CFAP73: variants seen among roughly 807,000 people sequenced by gnomAD.
The protein encoded by CFAP73 is cilia- and flagella-associated protein 73.
A neutral mutation model predicts 42.9 loss-of-function variants in CFAP73; 33 were observed. That is an observed-to-expected ratio of 0.77 (90% confidence interval 0.58 to 1.03). The LOEUF is 1.03. Among genes scored for constraint, CFAP73 ranks in the 50% least tolerant of loss-of-function variants. The pLI is 0.00. For missense variants in CFAP73, 392 were observed against 411.9 expected, an observed-to-expected ratio of 0.95 and a Z score of 0.42; for synonymous variants, 162 against 186.8, an observed-to-expected ratio of 0.87 and a Z score of 1.08.
rs760878157 is a variant in CFAP73 at position 113,154,400 on chromosome 12, G to A, written c.469-14G>A. 2.5e-5 allele frequency: 38 copies of A among 1,548,210 alleles called. No homozygotes were observed. The South Asian group carries it at 4.5e-4, about 18-fold the overall frequency. On this transcript the variant is annotated splice_polypyrimidine_tract_variant and intron_variant, in intron 4 of 7. Coordinates refer to ENST00000335621, the MANE Select transcript of CFAP73 (RefSeq NM_001144872.3). This position sits in a 1 kb window ranked among gnomAD's most constrained non-coding sequence, Gnocchi z 4.7. Reference sequence around the variant, plus strand: ...GCAGGCCCATGTGAGTCCCTTCCCCGCCCCCGACTCTAGTTCCAAGAGGTT... The same window carrying A: ...GCAGGCCCATGTGAGTCCCTTCCCCACCCCCGACTCTAGTTCCAAGAGGTT...
intron 5 of CFAP73, among the ~76,000 whole-genome samples, 155 bp from the exon 6 acceptor site, chr12:113,155,105 G>A (rs1277390389): frequency 6.6e-6 from 1 of 152,296 alleles, no homozygotes; most frequent in South Asian, 2.1e-4. Flanking sequence ...GGGAGCCGGC[G>A]GTTGCAGTGA....
At position 113,154,571 on chromosome 12, in the gene CFAP73, AG is replaced by A; in HGVS notation, c.629del (p.Gly210AlafsTer52). 1 of 1,450,206 alleles carries A rather than the reference AG, an allele frequency of 6.9e-7. No individual in the cohort carries two copies. Among genetic ancestry groups the A allele is most frequent in the Non-Finnish European group, 9.0e-7 (1 of 1,112,428 alleles). 89.8% of individuals were successfully genotyped at this position (1,450,206 alleles called of 1,614,324 possible). A position where few individuals can be genotyped will look rare whatever the true frequency, so the allele number is the denominator to read the frequency against. ...RDAWPDEVLA[Q>X]GQRRAQLQER... ...GCCTGGCCGGACGAGGTGCTCGCACAGGGCCAGCGGCGGGCACAGCTGCAGG... is the reference window on the plus strand; with the variant it reads ...GCCTGGCCGGACGAGGTGCTCGCACAGGCCAGCGGCGGGCACAGCTGCAGG... On this transcript the variant is annotated frameshift_variant, in exon 5 of 8. Transcript: ENST00000335621. LOFTEE classifies it high-confidence loss of function. This position sits in a 1 kb window ranked among gnomAD's most constrained non-coding sequence, Gnocchi z 4.7.
chr12:113,157,434 C>T lies in CFAP73; in HGVS notation c.850-168C>T, dbSNP rs186798120. On this transcript the variant is annotated intron_variant, in intron 6 of 7. Transcript: ENST00000335621. ...GGCCTGAGGCTTTCAAAACCCAGAA[C>T]GGTTTAGGATCTCAGTCACCACCTC... The T allele has an allele frequency of 9.0e-4, 556 of 618,220 alleles. 1 individual carries two copies. The highest frequency in any genetic ancestry group is 1.1e-3 in the Non-Finnish European group (378 of 349,958). 38.3% of individuals were successfully genotyped at this position (618,220 alleles called of 1,614,324 possible). A position where few individuals can be genotyped will look rare whatever the true frequency, so the allele number is the denominator to read the frequency against.
Position 113,159,054 on chromosome 12 carries a change from G to C in CFAP73, c.*365G>C, listed in dbSNP as rs1277115565. On this transcript the variant is annotated 3_prime_UTR_variant, in exon 8 of 8. Coordinates refer to ENST00000335621, the MANE Select transcript of CFAP73 (RefSeq NM_001144872.3). ...GCTTCAGGATCTGCTGCTTGGTCTT[G>C]AGTTCCGGGCGGACTCGGCCTGCAG... is the stretch of plus-strand genomic sequence containing the variant. 4 of 1,610,572 alleles carry C rather than the reference G, an allele frequency of 2.5e-6. No individual in the cohort carries two copies. The African/African-American group carries it at 5.3e-5, about 21-fold the overall frequency.
chr12:113,152,474 C>G (rs749113998), intron 2 of CFAP73, among the ~76,000 whole-genome samples: 1 of 152,220 alleles, frequency 6.6e-6, no homozygotes, highest in Non-Finnish European at 1.5e-5. Context: ...GAAAAACAGG[C>G]AGAGGAAAAC....
At position 113,154,664 on chromosome 12, in the gene CFAP73, C is replaced by G; in HGVS notation, c.690+29C>G. 3 of 1,381,630 alleles carry G rather than the reference C, an allele frequency of 2.2e-6. No homozygotes were observed. Among genetic ancestry groups the G allele is most frequent in the Non-Finnish European group, 2.8e-6 (3 of 1,076,914 alleles). 85.6% of individuals were successfully genotyped at this position (1,381,630 alleles called of 1,614,324 possible). A position where few individuals can be genotyped will look rare whatever the true frequency, so the allele number is the denominator to read the frequency against. The stretch of plus-strand genomic sequence containing the variant: ...CGACCCGCCCTAGGTGGGGGGCGCT[C>G]CGGACCCCAGGCTTCCACAGCCGGG... On this transcript the variant is annotated intron_variant, in intron 5 of 7. Transcript: ENST00000335621. This position sits in a 1 kb window ranked among gnomAD's most constrained non-coding sequence, Gnocchi z 4.7.
At chr12:113,153,537 T>C (rs909291557) in intron 4 of CFAP73, 129 bp downstream of exon 4, 1 of 757,468 alleles carries the variant, frequency 1.3e-6, no homozygotes, top group Non-Finnish European at 1.9e-6. Context: ...TGCCGAGAAC[T>C]ATCACTTATG....
intron 2 of CFAP73, 126 bp from the exon 3 acceptor site, chr12:113,152,657 G>C: frequency 1.5e-6 from 1 of 661,296 alleles, no homozygotes; most frequent in Non-Finnish European, 2.7e-6. Context: ...TGGGAGCCCC[G>C]GATGGGTTGA....
At position 113,154,702 on chromosome 12, in the gene CFAP73, C is replaced by G; in HGVS notation, c.690+67C>G. 7.3e-7 allele frequency: 1 copy of G among 1,376,948 alleles called. No individual in the cohort carries two copies. 85.3% of individuals were successfully genotyped at this position (1,376,948 alleles called of 1,614,324 possible). ...TTCCACAGCCGGGCGGGGAGGAACG[C>G]CAGGGCTGATGAGGACCGATGGGGC... On this transcript the variant is annotated intron_variant, in intron 5 of 7. Transcript: ENST00000335621. The surrounding 1 kb of genome is among the most constrained non-coding windows in gnomAD (Gnocchi z 4.7).
rs1055826657 is a variant in CFAP73, at chr12:113,158,595, T to C, written c.*12-106T>C. On this transcript the variant is annotated intron_variant, in intron 7 of 7. Coordinates refer to ENST00000335621, the MANE Select transcript of CFAP73 (RefSeq NM_001144872.3). The surrounding 1 kb of genome is among the most constrained non-coding windows in gnomAD (Gnocchi z 4.9). Reference sequence around the variant, plus strand: ...CCATGACCTCTGAACCCAGAACACATGGAAGCAGCAGCAGCTGAGTTGCCA... The same window carrying C: ...CCATGACCTCTGAACCCAGAACACACGGAAGCAGCAGCAGCTGAGTTGCCA... 3 of 427,008 alleles carry C rather than the reference T, an allele frequency of 7.0e-6. No individual in the cohort carries two copies. The South Asian group carries it at 1.3e-4, about 19-fold the overall frequency. The allele number at this position is 427,008 out of a possible 1,614,324, so 26.5% of individuals were successfully genotyped here.
intron 6 of CFAP73, chr12:113,157,314 CTGAT>C: frequency 2.2e-6 from 1 of 448,946 alleles, no homozygotes; most frequent in Non-Finnish European, 4.0e-6. Flanking sequence ...GAAAATAAAG[CTGAT>C]TGATGTAAAT....
At position 113,150,078 on chromosome 12, in the gene CFAP73, G is replaced by A. The variant is rs543677932; in HGVS notation, c.56+165G>A. Among the ~76,000 whole-genome samples the A allele has an allele frequency of 2.8e-4, 42 of 152,206 alleles. 1 individual carries two copies. In the South Asian group the frequency reaches 8.3e-3, roughly 30 times the overall value. On this transcript the variant is annotated intron_variant, in intron 1 of 7. Transcript: ENST00000335621. ...AAACTGAGGATCAGAGAGAAACCGA[G>A]GCATCACCATGGTCTCAGGGATCGT...
chr12:113,156,600 T>A (rs530278582), intron 6 of CFAP73, among the ~76,000 whole-genome samples: 61 of 152,150 alleles, frequency 4.0e-4, no homozygotes, highest in Non-Finnish European at 8.1e-4. Flanking sequence ...TGGCCAGGAT[T>A]CCAACCGAAT....
intron 6 of CFAP73, chr12:113,157,036 G>A (rs1444895737): frequency 1.3e-5 from 2 of 152,764 alleles, no homozygotes; most frequent in Non-Finnish European, 1.5e-5. Context: ...TATTTTTCCA[G>A]TTGCCCCCTA....
chr12:113,153,839 G>A (rs1190028483), intron 4 of CFAP73, among the ~76,000 whole-genome samples: 1 of 152,006 alleles, frequency 6.6e-6, no homozygotes, highest in Non-Finnish European at 1.5e-5. Flanking sequence ...GGGCTCAAGC[G>A]ATCCTGCCAC....
chr12:113,151,840 C>A, intron 1 of CFAP73, 78 bp from the exon 2 acceptor site: 3 of 934,968 alleles, frequency 3.2e-6, no homozygotes, highest in South Asian at 3.5e-5. Context: ...GCTAATGGGG[C>A]ACTCCAGACA....
chr12:113,153,489 C>G, intron 4 of CFAP73, 81 bp downstream of exon 4: 1 of 1,161,292 alleles, frequency 8.6e-7, no homozygotes, highest in Non-Finnish European at 1.1e-6. Context: ...GACCGGCGAA[C>G]TACTGGTTCG....
In CFAP73 at chr12:113,157,245, G is replaced by A. The variant is rs140685757; in HGVS notation, c.850-357G>A. On this transcript the variant is annotated intron_variant, in intron 6 of 7. Transcript: ENST00000335621. ...AGAAGTTAATTAAAACAAAAGGAGA[G>A]CCACCCACGGAGATAAGAGTAGGTC... 155 of 246,670 alleles carry A rather than the reference G, an allele frequency of 6.3e-4. 1 individual carries two copies. In the East Asian group the frequency reaches 0.012, roughly 19 times the overall value. The allele number at this position is 246,670 out of a possible 1,614,324, so 15.3% of individuals were successfully genotyped here.
At chr12:113,155,531 C>T (rs554985221) in intron 6 of CFAP73, 113 bp downstream of exon 6, 22 of 1,164,854 alleles carry the variant, frequency 1.9e-5, no homozygotes, top group East Asian at 8.2e-5. Flanking sequence ...TGGCCCTCTA[C>T]GGTCAGAGCC....
Sources: gnomAD v4.1 joint callset for allele counts (sites outside exome capture counted in the v4.1 genomes callset) on GRCh38, gnomAD v4.1.1 for gene constraint, Gnocchi (gnomAD v3.1) non-coding constraint, MANE v1.5 for transcripts, NCBI Gene and HGNC (gene_info 2026-07-23, HGNC 2026-07-21) for gene names.